The following TRIP12 variants were observed in gnomAD, a reference collection of about 807,000 sequenced individuals.
The protein encoded by TRIP12 is thyroid hormone receptor interactor 12, also known as E3 ubiquitin-protein ligase TRIP12.
A neutral mutation model predicts 244.2 loss-of-function variants in TRIP12; 25 were observed. That is an observed-to-expected ratio of 0.10 (90% CI 0.07 to 0.14). The LOEUF is 0.14. Ranked by LOEUF, TRIP12 falls within the 10% of genes least tolerant of loss-of-function variation. The pLI, the probability that TRIP12 is intolerant of heterozygous loss-of-function variation, is 1.00. For missense variants in TRIP12, 1,677 were observed against 2,486.4 expected, an observed-to-expected ratio of 0.67 and a Z score of 6.92; for synonymous variants, 905 against 873.1, an observed-to-expected ratio of 1.04 and a Z score of -0.64.
At chr2:229,815,344 T>C (rs1015498059) in intron 9 of TRIP12, 36 bp from the exon 10 acceptor site, 10 of 1,256,672 alleles carry the variant, frequency 8.0e-6, no homozygotes, top group Non-Finnish European at 1.1e-5. Context: ...GAAGCTATAT[T>C]CCTTGGGAAA....
intron 1 of TRIP12, among the ~76,000 whole-genome samples, chr2:229,901,968 A>G (rs141030760): frequency 9.2e-4 from 140 of 152,358 alleles, no homozygotes; most frequent in African/African-American, 3.1e-3. Flanking sequence ...GGGATGAGTC[A>G]TGATTGGGCT....
rs575765824 is a variant in TRIP12 at position 229,766,610 on chromosome 2, A to T, written c.*944T>A. On this transcript the variant is annotated 3_prime_UTR_variant, in exon 42 of 42. Coordinates refer to ENST00000675903, the MANE Select transcript of TRIP12 (RefSeq NM_001348323.3). ...AACGTAAAACAACAAAGGGAAAAAA[A>T]TTTTTTTACTCCAACAGGGAAGGAA... 11 of 152,266 alleles carry T rather than the reference A, an allele frequency of 7.2e-5. No homozygotes were observed. Among genetic ancestry groups the T allele is most frequent in the South Asian group, 2.1e-4 (1 of 4,822 alleles). 9.4% of individuals were successfully genotyped at this position (152,266 alleles called of 1,614,324 possible). A position where few individuals can be genotyped will look rare whatever the true frequency, so the allele number is the denominator to read the frequency against.
At chr2:229,877,196 TAG>T (rs2063756074) in intron 2 of TRIP12, among the ~76,000 whole-genome samples, 1 of 151,064 alleles carries the variant, frequency 6.6e-6, no homozygotes, top group African/African-American at 2.4e-5. Context: ...GCCAGAAAAA[TAG>T]AGTTAGACTC....
At chr2:229,901,756 A>T (rs2070941246) in intron 1 of TRIP12, among the ~76,000 whole-genome samples, 1 of 152,170 alleles carries the variant, frequency 6.6e-6, no homozygotes, top group East Asian at 1.9e-4. Context: ...GCAGACAAAT[A>T]GCAATTACCA....
At chr2:229,862,227 TA>T (rs2060590924) in intron 2 of TRIP12, among the ~76,000 whole-genome samples, 1 of 152,246 alleles carries the variant, frequency 6.6e-6, no homozygotes, top group African/African-American at 2.4e-5. Flanking sequence ...CATTGCAGAC[TA>T]AAATTTTGCT....
At chr2:229,837,120 A>G (rs2055032079) in intron 5 of TRIP12, 136 bp from the exon 6 acceptor site, 1 of 899,634 alleles carries the variant, frequency 1.1e-6, no homozygotes, top group African/African-American at 1.7e-5. Flanking sequence ...GTAAGTGCAC[A>G]AAATCACCAT....
chr2:229,811,802 T>G (rs911672035), intron 13 of TRIP12, among the ~76,000 whole-genome samples: 4 of 152,220 alleles, frequency 2.6e-5, no homozygotes, highest in African/African-American at 7.2e-5. Context: ...TACTGGCTAA[T>G]GTTTTGATAG....
chr2:229,840,593 T>C (rs969403721), intron 5 of TRIP12, among the ~76,000 whole-genome samples: 1 of 151,814 alleles, frequency 6.6e-6, no homozygotes, highest in Admixed American at 6.6e-5. Context: ...TCCCAGCTAC[T>C]AGGGAGGCTA....
chr2:229,882,076 A>G (rs946907282), intron 1 of TRIP12, among the ~76,000 whole-genome samples: 5 of 152,202 alleles, frequency 3.3e-5, no homozygotes, highest in African/African-American at 1.2e-4. Flanking sequence ...TGCATATATG[A>G]GTGTGTGCAT....
At chr2:229,904,431 A>AAT (rs1162042699) in intron 1 of TRIP12, among the ~76,000 whole-genome samples, 1 of 151,712 alleles carries the variant, frequency 6.6e-6, no homozygotes, top group African/African-American at 2.4e-5. Flanking sequence ...AAAAAAAAAA[A>AAT]AAAAAAATTT....
In TRIP12 at chr2:229,842,368, T is replaced by C. The variant is rs1026346225; in HGVS notation, c.1028-1441A>G. Among the ~76,000 whole-genome samples, 7 of 152,226 alleles carry C rather than the reference T, an allele frequency of 4.6e-5. No individual in the cohort carries two copies. The East Asian group carries it at 9.6e-4, about 21-fold the overall frequency. On this transcript the variant is annotated intron_variant, in intron 4 of 41. Transcript: ENST00000675903. ...TCACCTAAGAGACAGGGCATGGCAA[T>C]AGATCTAGGGAGCTAGCTTGGTAAT...
chr2:229,785,660 A>G, intron 34 of TRIP12, 97 bp downstream of exon 34: 1 of 1,134,706 alleles, frequency 8.8e-7, no homozygotes, highest in Non-Finnish European at 1.3e-6. Flanking sequence ...AAGTCTCCCA[A>G]CTGTCTTTCA....
chr2:229,771,506 A>G lies in TRIP12; in HGVS notation c.5808+13T>C, dbSNP rs748140180. The G allele has an allele frequency of 1.9e-6, 3 of 1,598,910 alleles. No individual in the cohort carries two copies. The highest frequency in any genetic ancestry group is 1.3e-5 in the African/African-American group (1 of 74,718). Reference sequence around the variant, plus strand: ...ATAGGTATGACCATTTCTTTTAGATATAAGCTACTCACTTCCTCCGGGTAG... The same window carrying G: ...ATAGGTATGACCATTTCTTTTAGATGTAAGCTACTCACTTCCTCCGGGTAG... On this transcript the variant is annotated intron_variant, in intron 39 of 41. Transcript: ENST00000675903.
intron 27 of TRIP12, 98 bp from the exon 28 acceptor site, chr2:229,792,324 C>T: frequency 8.6e-7 from 1 of 1,168,260 alleles, no homozygotes; most frequent in South Asian, 1.4e-5. Context: ...TTAGAAAACA[C>T]ATATAGGTTG....
At chr2:229,920,906 G>T (rs1012152348) in intron 1 of TRIP12, among the ~76,000 whole-genome samples, 2 of 152,090 alleles carry the variant, frequency 1.3e-5, no homozygotes, top group African/African-American at 4.8e-5. Context: ...GAAGGAGAGG[G>T]GCTGAACTGA....
At chr2:229,786,459 G>A (rs530731068) in intron 33 of TRIP12, among the ~76,000 whole-genome samples, 11 of 146,414 alleles carry the variant, frequency 7.5e-5, no homozygotes, top group African/African-American at 1.5e-4. Flanking sequence ...ATGCAGTGGC[G>A]CAATCTCAGC....
chr2:229,782,599 T>A lies in TRIP12; in HGVS notation c.5094+3158A>T, dbSNP rs138974876. On this transcript the variant is annotated intron_variant, in intron 34 of 41. Transcript: ENST00000675903. ...CCTGGAACCCTAGCATGCAGTATAC[T>A]TTCCAGTACACAACAACTTATAATT... Among the ~76,000 whole-genome samples the A allele has an allele frequency of 3.0e-4, 46 of 152,344 alleles. 1 individual carries two copies. Among genetic ancestry groups the A allele is most frequent in the African/African-American group, 1.1e-3 (44 of 41,574 alleles).
chr2:229,856,839 C>G (rs1249434074), intron 4 of TRIP12, among the ~76,000 whole-genome samples: 1 of 152,184 alleles, frequency 6.6e-6, no homozygotes, highest in African/African-American at 2.4e-5. Flanking sequence ...ACTGATCTAG[C>G]CTATCTTAAT....
intron 8 of TRIP12, among the ~76,000 whole-genome samples, chr2:229,822,973 G>C (rs2050476772): frequency 6.6e-6 from 1 of 152,088 alleles, no homozygotes; most frequent in Non-Finnish European, 1.5e-5. Context: ...AAAAGAACTA[G>C]TGAATTTAAA....
Sources: gnomAD v4.1 joint callset for allele counts (sites outside exome capture counted in the v4.1 genomes callset) on GRCh38, gnomAD v4.1.1 for gene constraint, MANE v1.5 for transcripts, NCBI Gene and HGNC (gene_info 2026-07-23, HGNC 2026-07-21) for gene names.